ROBO1: variants seen among roughly 807,000 people sequenced by gnomAD.
ROBO1 encodes roundabout homolog 1.
A neutral mutation model predicts 195.9 loss-of-function variants in ROBO1; 149 were observed. The observed-to-expected ratio is 0.76, with a 90% CI of 0.67 to 0.87. The LOEUF (loss-of-function observed/expected upper bound fraction) is 0.87, where lower values mean the gene tolerates loss of function less well. Ranked by LOEUF, ROBO1 falls within the 40% of genes least tolerant of loss-of-function variation. The probability of loss-of-function intolerance (pLI) is 0.00; values close to 1 mark genes in which losing one functional copy is unlikely to be tolerated. For missense variants in ROBO1, 1,933 were observed against 2,068.3 expected (o/e 0.93, Z 1.27); for synonymous variants, 816 against 733.2 (o/e 1.11, Z -1.82).
chr3:79,716,168 G>A (rs1339548124), intron 1 of ROBO1, among the ~76,000 whole-genome samples: 1 of 151,838 alleles, frequency 6.6e-6, no homozygotes, highest in Admixed American at 6.6e-5. Flanking sequence ...ATCATGATTA[G>A]ATTATTATTA....
intron 4 of ROBO1, among the ~76,000 whole-genome samples, chr3:78,747,129 C>T (rs943062976): frequency 3.3e-5 from 5 of 152,090 alleles, no homozygotes; most frequent in Admixed American, 1.3e-4. Context: ...GGCCAGCAGG[C>T]GCGTGTATTC....
At chr3:78,610,132 A>G (rs992479971) in intron 28 of ROBO1, among the ~76,000 whole-genome samples, 7 of 152,184 alleles carry the variant, frequency 4.6e-5, no homozygotes, top group African/African-American at 1.7e-4. Context: ...CCAAAATGGT[A>G]GCCAATTATA....
chr3:78,861,913 G>A (rs1008875307), intron 4 of ROBO1, among the ~76,000 whole-genome samples: 5 of 152,158 alleles, frequency 3.3e-5, no homozygotes, highest in Admixed American at 3.3e-4. Context: ...CCTGCCTATG[G>A]CTTATATTTA....
At chr3:78,847,568 G>T (rs1033832977) in intron 4 of ROBO1, among the ~76,000 whole-genome samples, 1 of 152,142 alleles carries the variant, frequency 6.6e-6, no homozygotes, top group Non-Finnish European at 1.5e-5. Flanking sequence ...TCAGAAAAAT[G>T]TAAGACTTCC....
intron 2 of ROBO1, among the ~76,000 whole-genome samples, chr3:79,368,233 TC>T (rs2036048078): frequency 6.6e-6 from 1 of 152,146 alleles, no homozygotes. Flanking sequence ...GCGTATGACC[TC>T]CTTTGCCTTT....
chr3:79,510,930 A>G (rs970828921), intron 2 of ROBO1, among the ~76,000 whole-genome samples: 1 of 152,168 alleles, frequency 6.6e-6, no homozygotes, highest in Non-Finnish European at 1.5e-5. Flanking sequence ...TCTCCTTGAG[A>G]CACTAGGGTG....
intron 3 of ROBO1, among the ~76,000 whole-genome samples, chr3:78,951,762 A>G (rs989921918): frequency 6.6e-6 from 1 of 152,148 alleles, no homozygotes; most frequent in Non-Finnish European, 1.5e-5. Flanking sequence ...CCACAGCTGG[A>G]AAAAGATATA....
chr3:78,829,619 C>T (rs773029463), intron 4 of ROBO1, among the ~76,000 whole-genome samples: 5 of 152,090 alleles, frequency 3.3e-5, no homozygotes, highest in Non-Finnish European at 5.9e-5. Context: ...ATGGCTATGT[C>T]GACAGGAACT....
At chr3:78,822,960 T>C (rs929670230) in intron 4 of ROBO1, among the ~76,000 whole-genome samples, 1 of 152,358 alleles carries the variant, frequency 6.6e-6, no homozygotes, top group African/African-American at 2.4e-5. Context: ...AATTATTTCA[T>C]GAAACATGAA....
At chr3:79,218,774 T>C (rs575608661) in intron 2 of ROBO1, among the ~76,000 whole-genome samples, 31 of 152,120 alleles carry the variant, frequency 2.0e-4, no homozygotes, top group African/African-American at 7.5e-4. Flanking sequence ...AAGAAACTTA[T>C]TGATCAATGC....
intron 2 of ROBO1, among the ~76,000 whole-genome samples, chr3:79,326,388 G>T (rs1351907075): frequency 1.3e-5 from 2 of 152,102 alleles, no homozygotes; most frequent in Non-Finnish European, 2.9e-5. Context: ...GACATGTGAT[G>T]TCTCCCCCAG....
chr3:79,198,861 G>T (rs1372668472), intron 2 of ROBO1, among the ~76,000 whole-genome samples: 1 of 151,990 alleles, frequency 6.6e-6, no homozygotes, highest in East Asian at 1.9e-4. Flanking sequence ...GAATGCTTGT[G>T]ATTTTTGCAC....
intron 4 of ROBO1, among the ~76,000 whole-genome samples, chr3:78,823,543 C>T (rs185055630): frequency 2.2e-4 from 34 of 152,270 alleles, no homozygotes; most frequent in Non-Finnish European, 3.5e-4. Context: ...ATACGTGTGG[C>T]GGAAAGCATG....
At chr3:79,426,361 G>T (rs979840085) in intron 2 of ROBO1, among the ~76,000 whole-genome samples, 16 of 151,640 alleles carry the variant, frequency 1.1e-4, no homozygotes, top group Admixed American at 3.3e-4. Context: ...ATATAATTTT[G>T]TTGTTGTTGT....
chr3:79,580,721 T>G (rs192097150), intron 2 of ROBO1, among the ~76,000 whole-genome samples: 37 of 152,266 alleles, frequency 2.4e-4, no homozygotes, highest in Non-Finnish European at 4.6e-4. Flanking sequence ...ATTGTGACTA[T>G]GTATTTACGT....
intron 4 of ROBO1, among the ~76,000 whole-genome samples, chr3:78,866,099 G>A (rs1252776802): frequency 6.6e-6 from 1 of 151,936 alleles, no homozygotes; most frequent in Non-Finnish European, 1.5e-5. Context: ...TGTGCATGAT[G>A]GAAAATAAAC....
chr3:79,490,441 C>G (rs922098080), intron 2 of ROBO1, among the ~76,000 whole-genome samples: 1 of 152,104 alleles, frequency 6.6e-6, no homozygotes, highest in African/African-American at 2.4e-5. Context: ...CTGAACTATT[C>G]CAGTTGTTTT....
intron 4 of ROBO1, among the ~76,000 whole-genome samples, chr3:78,789,149 T>C (rs554161767): frequency 7.0e-4 from 107 of 152,236 alleles, no homozygotes; most frequent in South Asian, 2.1e-3. Flanking sequence ...TCTAGAGAAA[T>C]AGACTACCCA....
intron 2 of ROBO1, among the ~76,000 whole-genome samples, chr3:79,280,717 G>T: frequency 6.6e-6 from 1 of 152,162 alleles, no homozygotes; most frequent in East Asian, 1.9e-4. Context: ...GTTTCGGGAT[G>T]AAACTGTTCA....
Sources: allele counts gnomAD v4.1 joint callset (sites outside exome capture counted in the v4.1 genomes callset), GRCh38; gene constraint gnomAD v4.1.1; transcripts MANE v1.5; gene names NCBI Gene and HGNC (gene_info 2026-07-23, HGNC 2026-07-21).